HCRTR2: variants seen among roughly 807,000 people sequenced by gnomAD.
The protein encoded by HCRTR2 is hypocretin receptor 2.
HCRTR2 carries 22 observed loss-of-function variants against 49.0 expected under a neutral mutation model. The observed-to-expected ratio is 0.45, with a 90% CI of 0.32 to 0.64. The LOEUF is 0.64. HCRTR2 is among the 30% of genes least tolerant of loss of function. The pLI is 0.04. For missense variants in HCRTR2, 491 were observed against 559.4 expected, an observed-to-expected ratio of 0.88 and a Z score of 1.23; for synonymous variants, 236 against 205.3, an observed-to-expected ratio of 1.15 and a Z score of -1.28.
intron 1 of HCRTR2, among the ~76,000 whole-genome samples, chr6:55,133,771 G>A (rs1239783235): frequency 6.6e-6 from 1 of 150,748 alleles, no homozygotes; most frequent in Middle Eastern, 3.2e-3. Context: ...TTTTATATTA[G>A]GAATAAATCT....
At chr6:55,276,849 A>G (rs1767085600) in intron 4 of HCRTR2, among the ~76,000 whole-genome samples, 2 of 152,228 alleles carry the variant, frequency 1.3e-5, no homozygotes, top group Admixed American at 6.5e-5. Context: ...TTTTAAAAAT[A>G]TCCTTTCATT....
At chr6:55,243,747 TGATAAA>T (rs1766378404) in intron 1 of HCRTR2, among the ~76,000 whole-genome samples, 2 of 151,856 alleles carry the variant, frequency 1.3e-5, no homozygotes, top group Non-Finnish European at 2.9e-5. Flanking sequence ...CAGCTTATAA[TGATAAA>T]GAGCCTTTGT....
At chr6:55,121,734 T>G (rs1385370902) in intron 1 of HCRTR2, among the ~76,000 whole-genome samples, 2 of 152,238 alleles carry the variant, frequency 1.3e-5, no homozygotes, top group African/African-American at 4.8e-5. Context: ...GGTTTTTGTC[T>G]TTGGTTCTGT....
intron 4 of HCRTR2, among the ~76,000 whole-genome samples, chr6:55,270,789 A>T (rs1056699096): frequency 6.6e-6 from 1 of 152,216 alleles, no homozygotes; most frequent in Admixed American, 6.5e-5. Context: ...AATCCAAAAA[A>T]ACTCACATCT....
chr6:55,142,001 A>G (rs928548768), intron 1 of HCRTR2, among the ~76,000 whole-genome samples: 1 of 152,188 alleles, frequency 6.6e-6, no homozygotes, highest in African/African-American at 2.4e-5. Context: ...ATTATAATCA[A>G]AGAAAGTACA....
Position 55,212,408 on chromosome 6 carries a change from A to T in HCRTR2, c.224-36231A>T, listed in dbSNP as rs573702799. Among the ~76,000 whole-genome samples, 95 of 152,316 alleles carry T rather than the reference A, an allele frequency of 6.2e-4. 1 individual carries two copies. Among genetic ancestry groups the T allele is most frequent in the Admixed American group, 7.8e-4 (12 of 15,294 alleles). ...GTCATGATTTTTCTAAAGCAACAAT[A>T]TCAATCTTCTTTCCCTTCCCCAGTG... is the stretch of plus-strand genomic sequence containing the variant. On this transcript the variant is annotated intron_variant, in intron 1 of 6. Transcript: ENST00000370862.
intron 1 of HCRTR2, among the ~76,000 whole-genome samples, chr6:55,162,759 A>G (rs978363670): frequency 5.9e-5 from 9 of 152,156 alleles, no homozygotes; most frequent in African/African-American, 1.9e-4. Flanking sequence ...TACAACTTAC[A>G]AGGGATGTGA....
At chr6:55,149,925 C>T (rs769171532) in intron 1 of HCRTR2, among the ~76,000 whole-genome samples, 1 of 151,914 alleles carries the variant, frequency 6.6e-6, no homozygotes, top group Non-Finnish European at 1.5e-5. Context: ...AAACTTTAAA[C>T]TTTTAAATTC....
chr6:55,168,883 G>A (rs894776683), intron 1 of HCRTR2, among the ~76,000 whole-genome samples: 2 of 152,080 alleles, frequency 1.3e-5, no homozygotes, highest in African/African-American at 4.8e-5. Context: ...CTTGGCCCAT[G>A]TAATCTCTCA....
At chr6:55,230,066 T>C (rs554817739) in intron 1 of HCRTR2, among the ~76,000 whole-genome samples, 1 of 152,280 alleles carries the variant, frequency 6.6e-6, no homozygotes, top group Non-Finnish European at 1.5e-5. Context: ...CTCTGACTGG[T>C]CAGGCACCAA....
chr6:55,234,500 T>C (rs1255807553), intron 1 of HCRTR2, among the ~76,000 whole-genome samples: 1 of 152,138 alleles, frequency 6.6e-6, no homozygotes, highest in Non-Finnish European at 1.5e-5. Context: ...AAATCAAGTT[T>C]ATTAATTCTG....
chr6:55,267,231 T>C (rs968251430), intron 4 of HCRTR2, among the ~76,000 whole-genome samples: 7 of 152,156 alleles, frequency 4.6e-5, no homozygotes, highest in African/African-American at 1.4e-4. Context: ...CTTGTCCTAT[T>C]TGCTTAAAAT....
chr6:55,238,783 G>T (rs551203253), intron 1 of HCRTR2, among the ~76,000 whole-genome samples: 2 of 152,228 alleles, frequency 1.3e-5, no homozygotes, highest in African/African-American at 4.8e-5. Flanking sequence ...ACTAAAGAAA[G>T]ATAATGAAAG....
intron 1 of HCRTR2, among the ~76,000 whole-genome samples, chr6:55,142,666 G>C (rs1427276282): frequency 2.0e-5 from 3 of 151,762 alleles, no homozygotes; most frequent in Non-Finnish European, 4.4e-5. Flanking sequence ...TGTTTTTGCA[G>C]CATCGTTTTC....
At chr6:55,198,990 C>G (rs1229732518) in intron 1 of HCRTR2, among the ~76,000 whole-genome samples, 1 of 152,194 alleles carries the variant, frequency 6.6e-6, no homozygotes, top group South Asian at 2.1e-4. Flanking sequence ...CCTGGTTGCT[C>G]AAGCCTAAAT....
At chr6:55,265,977 A>G (rs1766853325) in intron 4 of HCRTR2, among the ~76,000 whole-genome samples, 3 of 152,012 alleles carry the variant, frequency 2.0e-5, no homozygotes, top group African/African-American at 2.4e-5. Context: ...TCTGCTTATT[A>G]CTAGAGACAG....
chr6:55,106,643 T>C (rs1379783952), intron 1 of HCRTR2: 1 of 152,104 alleles, frequency 6.6e-6, no homozygotes, highest in Non-Finnish European at 1.5e-5. Flanking sequence ...GAAATCGTCC[T>C]AAGGAATATT....
intron 1 of HCRTR2, among the ~76,000 whole-genome samples, chr6:55,194,595 C>T (rs1205389486): frequency 6.6e-6 from 1 of 152,042 alleles, no homozygotes; most frequent in Non-Finnish European, 1.5e-5. Flanking sequence ...ACCATCAATA[C>T]TATGGTACTC....
At chr6:55,145,540 A>G (rs1489601954) in intron 1 of HCRTR2, among the ~76,000 whole-genome samples, 1 of 151,766 alleles carries the variant, frequency 6.6e-6, no homozygotes, top group African/African-American at 2.4e-5. Context: ...CCTCCTGAGT[A>G]GCTGGGACTA....
Sources: allele counts gnomAD v4.1 joint callset (sites outside exome capture counted in the v4.1 genomes callset), GRCh38; gene constraint gnomAD v4.1.1; transcripts MANE v1.5; gene names NCBI Gene and HGNC (gene_info 2026-07-23, HGNC 2026-07-21).